The following NDRG3 variants were observed in gnomAD, a reference collection of about 807,000 sequenced individuals.
The protein encoded by NDRG3 is protein NDRG3.
Under a neutral mutation model 57.2 loss-of-function variants are expected in NDRG3, and 23 were observed. The ratio of observed to expected loss-of-function variants is 0.40; its 90% confidence interval spans 0.29 to 0.57. The LOEUF is 0.57. Among genes scored for constraint, NDRG3 ranks in the 20% least tolerant of loss-of-function variants. The pLI, the probability that NDRG3 is intolerant of heterozygous loss-of-function variation, is 0.42. For missense variants in NDRG3, 384 were observed against 457.3 expected (o/e 0.84, Z 1.46); for synonymous variants, 132 against 162.6 (o/e 0.81, Z 1.43).
intron 2 of NDRG3, among the ~76,000 whole-genome samples, chr20:36,711,536 G>C (rs1983879916): frequency 6.6e-6 from 1 of 152,092 alleles, no homozygotes; most frequent in South Asian, 2.1e-4. Context: ...TTGTATCCAT[G>C]AATTCTCCCT....
At chr20:36,661,937 G>T (rs1459794651) in intron 12 of NDRG3, among the ~76,000 whole-genome samples, 1 of 152,134 alleles carries the variant, frequency 6.6e-6, no homozygotes, top group Non-Finnish European at 1.5e-5. Flanking sequence ...TCGGAGTTTT[G>T]ATTTGCTCTA....
At chr20:36,670,275 C>T (rs911283030) in intron 9 of NDRG3, among the ~76,000 whole-genome samples, 1 of 152,008 alleles carries the variant, frequency 6.6e-6, no homozygotes, top group African/African-American at 2.4e-5. Flanking sequence ...GTAAGTATTA[C>T]CTCAATTAAA....
At chr20:36,730,148 G>A (rs751120398) in intron 1 of NDRG3, among the ~76,000 whole-genome samples, 16 of 151,390 alleles carry the variant, frequency 1.1e-4, no homozygotes, top group Admixed American at 6.6e-4. Flanking sequence ...TCGGGAGGCA[G>A]AAGCAGGAGA....
At position 36,724,668 on chromosome 20, in the gene NDRG3, C is replaced by G. The variant is rs573198801; in HGVS notation, c.-48-2885G>C. ...TCCGGCCGGGCCCGGTGGCTCGCAC[C>G]TGTAATCCCAGCACTTTGGGAGGCG... On this transcript the variant is annotated intron_variant, in intron 1 of 15. Coordinates refer to ENST00000349004, the MANE Select transcript of NDRG3 (RefSeq NM_032013.4). Among the ~76,000 whole-genome samples the G allele has an allele frequency of 2.6e-5, 4 of 152,318 alleles. No homozygotes were observed. The South Asian group carries it at 8.3e-4, about 32-fold the overall frequency.
chr20:36,656,403 C>T lies in NDRG3; in HGVS notation c.903G>A (p.Lys301=). Reference sequence around the variant, plus strand: ...AAAAGTACTTGAAGGCCTCGGTGAGCTTCCCAGGCTGGGGGGATAAAACAA... The same window carrying T: ...AAAAGTACTTGAAGGCCTCGGTGAGTTTCCCAGGCTGGGGGGATAAAACAA... The part of the protein sequence containing the change: ...GGLPQVVQPG[K]LTEAFKYFLQ... Residue 301 remains lysine (K), a synonymous_variant, in exon 15 of 16, where the codon AAG becomes AAA. Coordinates refer to ENST00000349004, the MANE Select transcript of NDRG3 (RefSeq NM_032013.4). The T allele has an allele frequency of 1.2e-6, 2 of 1,614,168 alleles. No individual in the cohort carries two copies. Among genetic ancestry groups the T allele is most frequent in the South Asian group, 1.1e-5 (1 of 91,088 alleles).
At chr20:36,697,366 T>C (rs1310895616) in intron 3 of NDRG3, among the ~76,000 whole-genome samples, 1 of 152,158 alleles carries the variant, frequency 6.6e-6, no homozygotes. Context: ...ATGTCCTTTG[T>C]GGCAGGTTTT....
At chr20:36,679,118 C>A (rs776289302) in intron 8 of NDRG3, among the ~76,000 whole-genome samples, 12 of 152,076 alleles carry the variant, frequency 7.9e-5, no homozygotes, top group Non-Finnish European at 1.8e-4. Context: ...GCCCCACACC[C>A]CAGCTAATTT....
At position 36,652,672 on chromosome 20, in the gene NDRG3, C is replaced by T. The variant is rs1289609724; in HGVS notation, c.*848G>A. Reference sequence around the variant, plus strand: ...ATATGTGGATGTCTGGTATCAGATACTGCAGCGACAGCAGTTTTGCTCTTC... The same window carrying T: ...ATATGTGGATGTCTGGTATCAGATATTGCAGCGACAGCAGTTTTGCTCTTC... On this transcript the variant is annotated 3_prime_UTR_variant, in exon 16 of 16. Coordinates refer to ENST00000349004, the MANE Select transcript of NDRG3 (RefSeq NM_032013.4). 1 of 152,172 alleles carries T rather than the reference C, an allele frequency of 6.6e-6. No homozygotes were observed. The highest frequency in any genetic ancestry group is 1.5e-5 in the Non-Finnish European group (1 of 68,054). The allele number at this position is 152,172 out of a possible 1,614,324, so 9.4% of individuals were successfully genotyped here. A position where few individuals can be genotyped will look rare whatever the true frequency, so the allele number is the denominator to read the frequency against.
intron 2 of NDRG3, among the ~76,000 whole-genome samples, chr20:36,712,499 G>C (rs1393979479): frequency 8.3e-6 from 1 of 120,516 alleles, no homozygotes; most frequent in Non-Finnish European, 1.6e-5. Flanking sequence ...AGGCTCAAAC[G>C]ATCCTCCTGC....
intron 12 of NDRG3, among the ~76,000 whole-genome samples, chr20:36,661,084 A>G (rs1227921091): frequency 6.6e-6 from 1 of 152,132 alleles, no homozygotes; most frequent in Non-Finnish European, 1.5e-5. Context: ...GCTTCTGAGT[A>G]CAACTGGTTC....
intron 2 of NDRG3, among the ~76,000 whole-genome samples, chr20:36,711,295 TAATA>T (rs371914338): frequency 4.0e-5 from 6 of 150,224 alleles, no homozygotes; most frequent in South Asian, 2.1e-4. Flanking sequence ...AAAATAATAA[TAATA>T]AATAAATAAA....
rs751162485 is a variant in NDRG3, at chr20:36,712,524, T to C, written c.58-5517A>G. On this transcript the variant is annotated intron_variant, in intron 2 of 15. Transcript: ENST00000349004. Reference sequence around the variant, plus strand: ...GATCCTCCTGCTTCAGCCACTTGAGTAGCTGGGACTACTGGCATGTGCCAC... The same window carrying C: ...GATCCTCCTGCTTCAGCCACTTGAGCAGCTGGGACTACTGGCATGTGCCAC... Among the ~76,000 whole-genome samples, 171 of 129,116 alleles carry C rather than the reference T, an allele frequency of 1.3e-3. 1 individual carries two copies. Among genetic ancestry groups the C allele is most frequent in the South Asian group, 3.3e-3 (13 of 3,958 alleles). The allele number at this position is 129,116 out of a possible 152,430, so 84.7% of individuals were successfully genotyped here.
At chr20:36,661,629 C>T (rs944537257) in intron 12 of NDRG3, among the ~76,000 whole-genome samples, 26 of 152,228 alleles carry the variant, frequency 1.7e-4, no homozygotes, top group African/African-American at 5.3e-4. Flanking sequence ...AGGGGTGGAA[C>T]GGAATGGCTA....
intron 1 of NDRG3, among the ~76,000 whole-genome samples, chr20:36,724,730 C>T (rs1056303924): frequency 2.0e-5 from 3 of 151,774 alleles, no homozygotes; most frequent in East Asian, 3.9e-4. Context: ...GAGTTCGAGA[C>T]CAGCCTGGTC....
At chr20:36,700,650 A>G (rs1983164327) in intron 3 of NDRG3, 2 of 348,920 alleles carry the variant, frequency 5.7e-6, no homozygotes, top group African/African-American at 4.3e-5. Context: ...CTCCCACCCC[A>G]GCATTCTAGA....
chr20:36,712,585 A>T (rs367781543), intron 2 of NDRG3, among the ~76,000 whole-genome samples: 968 of 8,392 alleles, frequency 0.12, 33 homozygotes, highest in African/African-American at 0.2. Flanking sequence ...ATATATATAT[A>T]TATTTTTTTT....
rs550286660 is a variant in NDRG3, at chr20:36,677,275, G to A, written c.531+3541C>T. Among the ~76,000 whole-genome samples the A allele has an allele frequency of 1.4e-4, 22 of 152,336 alleles. No homozygotes were observed. In the South Asian group the frequency reaches 3.7e-3, roughly 26 times the overall value. Reference sequence around the variant, plus strand: ...AGCCCCGGGGCCATGAATGGAGCGGGACGCAGGCAGAGTCCTGGGCAGAAG... The same window carrying A: ...AGCCCCGGGGCCATGAATGGAGCGGAACGCAGGCAGAGTCCTGGGCAGAAG... On this transcript the variant is annotated intron_variant, in intron 8 of 15. Coordinates refer to ENST00000349004, the MANE Select transcript of NDRG3 (RefSeq NM_032013.4).
chr20:36,688,754 C>A lies in NDRG3; in HGVS notation c.124G>T (p.Val42Phe). ...GGTAAGCCTCTTATAGTGACGTGGACCACACCATGAGTTGTTTCTATATCA... is the reference window on the plus strand; with the variant it reads ...GGTAAGCCTCTTATAGTGACGTGGAACACACCATGAGTTGTTTCTATATCA... The part of the protein sequence containing the change: ...EHDIETTHGV[V>F]HVTIRGLPKG... Residue 42 changes from valine to phenylalanine, a missense_variant, in exon 4 of 16, where the codon GTC (valine) becomes TTC (phenylalanine). By Grantham distance (50) the Val-to-Phe change is conservative. Coordinates refer to ENST00000349004, the MANE Select transcript of NDRG3 (RefSeq NM_032013.4). The A allele has an allele frequency of 1.2e-6, 2 of 1,613,668 alleles. No individual in the cohort carries two copies. Among genetic ancestry groups the A allele is most frequent in the Non-Finnish European group, 1.7e-6 (2 of 1,179,624 alleles).
chr20:36,683,077 C>T (rs1981456304), intron 6 of NDRG3, among the ~76,000 whole-genome samples: 1 of 152,024 alleles, frequency 6.6e-6, no homozygotes, highest in Non-Finnish European at 1.5e-5. Context: ...CCCGTCTCTA[C>T]TAAAAATACA....
Sources: allele counts gnomAD v4.1 joint callset (sites outside exome capture counted in the v4.1 genomes callset), GRCh38; gene constraint gnomAD v4.1.1; transcripts MANE v1.5; gene names NCBI Gene and HGNC (gene_info 2026-07-23, HGNC 2026-07-21).